The following PHRF1 variants were observed in gnomAD, a reference collection of about 807,000 sequenced individuals.
The protein encoded by PHRF1 is PHD and RING finger domain-containing protein 1.
A neutral mutation model predicts 128.9 loss-of-function variants in PHRF1; 53 were observed. The observed-to-expected ratio is 0.41, with a 90% CI of 0.33 to 0.52. PHRF1 has a LOEUF of 0.52. Among genes scored for constraint, PHRF1 ranks in the 20% least tolerant of loss-of-function variants. The pLI, the probability that PHRF1 is intolerant of heterozygous loss-of-function variation, is 0.21. For synonymous variants in PHRF1, 1,178 were observed against 980.6 expected (o/e 1.20, Z -3.76); for missense variants, 2,503 against 2,284.5 (o/e 1.10, Z -1.95).
chr11:606,581 A>G lies in PHRF1; in HGVS notation c.1594A>G (p.Ser532Gly). 6.2e-7 allele frequency: 1 copy of G among 1,605,608 alleles called. No individual in the cohort carries two copies. The highest frequency in any genetic ancestry group is 8.5e-7 in the Non-Finnish European group (1 of 1,176,528). The change falls in exon 13 of 18, where the codon AGC (serine) becomes GGC (glycine). Residue 532 changes from serine to glycine, a missense_variant. By Grantham distance (56) the Ser-to-Gly change is moderately conservative. Transcript: ENST00000264555. ...CATCATCCACCGCGACGGCTCCCTC[A>G]GCGCCAAGAGGGCGGGTGAGTGCCT... The part of the protein sequence containing the change: ...DVIIHRDGSL[S>G]AKRAAPVSFQ...
chr11:586,595 A>G (rs1007981595), intron 3 of PHRF1, among the ~76,000 whole-genome samples: 1 of 152,072 alleles, frequency 6.6e-6, no homozygotes, highest in Non-Finnish European at 1.5e-5. Context: ...GCGTTGTTTC[A>G]TTGGAGTTTG....
chr11:576,846 AGGCCCCGCCG>A (rs1853876368), intron 1 of PHRF1, among the ~76,000 whole-genome samples: 1 of 73,870 alleles, frequency 1.4e-5, no homozygotes, highest in South Asian at 4.1e-4. Flanking sequence ...CGAGACTGGG[AGGCCCCGCCG>A]AGACTGGGAG....
At chr11:602,146 C>T (rs1306457499) in intron 10 of PHRF1, among the ~76,000 whole-genome samples, 1 of 152,186 alleles carries the variant, frequency 6.6e-6, no homozygotes, top group Non-Finnish European at 1.5e-5. Context: ...CCCATGTTCG[C>T]TGGGCCCTGG....
At chr11:584,688 G>C (rs192529084) in intron 3 of PHRF1, among the ~76,000 whole-genome samples, 19 of 150,866 alleles carry the variant, frequency 1.3e-4, no homozygotes, top group Non-Finnish European at 1.8e-4. Flanking sequence ...GAGAGGTGTT[G>C]GTATAGCCAC....
chr11:582,862 C>T (rs891774128), intron 3 of PHRF1, among the ~76,000 whole-genome samples: 1 of 151,384 alleles, frequency 6.6e-6, no homozygotes, highest in Admixed American at 6.6e-5. Flanking sequence ...GTGAAACCCC[C>T]TCTCTACTAC....
intron 3 of PHRF1, among the ~76,000 whole-genome samples, chr11:584,901 G>C (rs1185053529): frequency 6.6e-6 from 1 of 151,936 alleles, no homozygotes; most frequent in East Asian, 1.9e-4. Flanking sequence ...CCATGCCTGG[G>C]TAATTTTTGT....
intron 9 of PHRF1, among the ~76,000 whole-genome samples, chr11:599,729 G>A (rs1436885612): frequency 2.6e-5 from 4 of 152,092 alleles, no homozygotes; most frequent in Admixed American, 2.6e-4. Flanking sequence ...TGGTCCTGGG[G>A]CTCCAGGGGA....
Position 610,704 on chromosome 11 carries a change from C to T in PHRF1, c.4620C>T (p.Asn1540=). Residue 1540 remains asparagine (N), a synonymous_variant, in exon 16 of 18, where the codon AAC becomes AAT. Coordinates refer to ENST00000264555, the MANE Select transcript of PHRF1 (RefSeq NM_001286581.2). ...EPASQATAAS[N]SEEKTPAPRL... is the part of the protein sequence containing the mutation. Reference sequence around the variant, plus strand: ...CCAGTCAAGCCACTGCAGCCAGCAACTCGGAGGAGAAGACCCCGGCCCCCA... The same window carrying T: ...CCAGTCAAGCCACTGCAGCCAGCAATTCGGAGGAGAAGACCCCGGCCCCCA... 1 of 1,603,554 alleles carries T rather than the reference C, an allele frequency of 6.2e-7. No homozygotes were observed. The highest frequency in any genetic ancestry group is 8.5e-7 in the Non-Finnish European group (1 of 1,179,794).
intron 10 of PHRF1, among the ~76,000 whole-genome samples, chr11:603,523 C>T (rs954262584): frequency 7.2e-5 from 11 of 151,856 alleles, no homozygotes; most frequent in African/African-American, 1.5e-4. Flanking sequence ...TTGGTGGAGA[C>T]GGGGTCTCAC....
At chr11:583,976 C>T (rs1324831633) in intron 3 of PHRF1, among the ~76,000 whole-genome samples, 2 of 152,246 alleles carry the variant, frequency 1.3e-5, no homozygotes, top group African/African-American at 2.4e-5. Context: ...CAAGTGGCTA[C>T]TGTGATCTGT....
rs575581112 is a variant in PHRF1, at chr11:607,068, C to G, written c.1612C>G (p.Pro538Ala). 2.6e-6 allele frequency: 4 copies of G among 1,551,540 alleles called. No individual in the cohort carries two copies. Among genetic ancestry groups the G allele is most frequent in the South Asian group, 1.2e-5 (1 of 85,106 alleles). Residue 538 changes from proline to alanine, a missense_variant and splice_region_variant, in exon 14 of 18, where the codon CCA (proline) becomes GCA (alanine). Pro to Ala is a conservative substitution (Grantham distance 27). Coordinates refer to ENST00000264555, the MANE Select transcript of PHRF1 (RefSeq NM_001286581.2). Reference protein sequence around the residue: ...DGSLSAKRAAPVSFQRNSGSL... With the variant: ...DGSLSAKRAAAVSFQRNSGSL... ...CCATTGACTTTTTTGTTTTTTAGCT[C>G]CAGTTTCTTTTCAGCGAAACTCAGG...
intron 6 of PHRF1, among the ~76,000 whole-genome samples, chr11:592,903 A>G (rs1400980672): frequency 1.3e-5 from 2 of 152,254 alleles, no homozygotes; most frequent in Admixed American, 6.5e-5. Flanking sequence ...AGTGCAGGTA[A>G]TACATCAAGA....
chr11:587,750 G>GAAA (rs1854661480), intron 4 of PHRF1, among the ~76,000 whole-genome samples: 1 of 152,158 alleles, frequency 6.6e-6, no homozygotes, highest in African/African-American at 2.4e-5. Flanking sequence ...TGACATAGGG[G>GAAA]CCATCTTGGC....
Position 610,322 on chromosome 11 carries a change from G to T in PHRF1, c.4391G>T (p.Gly1464Val), listed in dbSNP as rs767207263. Residue 1464 changes from glycine (G) to valine (V), a missense_variant, in exon 15 of 18, where the codon GGG (glycine) becomes GTG (valine). Gly to Val is a moderately radical substitution (Grantham distance 109). Coordinates refer to ENST00000264555, the MANE Select transcript of PHRF1 (RefSeq NM_001286581.2). ...PFPSHVLPEP[G>V]FPDTDPSQVY... ...CCCAGTCACGTGCTTCCGGAACCCG[G>T]GTTCCCAGACACAGACCCCTCTCAG... 3 of 1,566,526 alleles carry T rather than the reference G, an allele frequency of 1.9e-6. No individual in the cohort carries two copies. The South Asian group carries it at 3.5e-5, about 18-fold the overall frequency.
chr11:602,816 G>T (rs1855716185), intron 10 of PHRF1, among the ~76,000 whole-genome samples: 1 of 149,694 alleles, frequency 6.7e-6, no homozygotes. Flanking sequence ...ACGCTGGAGT[G>T]TAGTGGTGCG....
intron 3 of PHRF1, among the ~76,000 whole-genome samples, chr11:583,533 C>T (rs1458936355): frequency 6.6e-6 from 1 of 152,142 alleles, no homozygotes; most frequent in East Asian, 1.9e-4. Context: ...ATAAAAAATT[C>T]TCAGCTCACT....
In PHRF1 at chr11:608,312, C is replaced by T. The variant is rs1212304708; in HGVS notation, c.2856C>T (p.Phe952=). The part of the protein sequence containing the change: ...DEEDGASCST[F]FGSEERTVTC... The stretch of plus-strand genomic sequence containing the variant: ...AGGATGGGGCGTCTTGCAGCACCTT[C>T]TTTGGCTCTGAGGAGCGGACGGTGA... The change falls in exon 14 of 18, where the codon TTC becomes TTT. Residue 952 remains phenylalanine (F), a synonymous_variant. Transcript: ENST00000264555. 2 of 1,609,706 alleles carry T rather than the reference C, an allele frequency of 1.2e-6. No homozygotes were observed. The highest frequency in any genetic ancestry group is 1.7e-6 in the Non-Finnish European group (2 of 1,179,038).
intron 9 of PHRF1, among the ~76,000 whole-genome samples, chr11:600,704 C>T (rs1452285121): frequency 3.3e-5 from 5 of 151,904 alleles, no homozygotes; most frequent in Admixed American, 2.6e-4. Context: ...TGGTGGCTTA[C>T]ACCTGTAATC....
chr11:608,454 C>T lies in PHRF1; in HGVS notation c.2998C>T (p.Arg1000Cys), dbSNP rs371594987. 58 of 1,612,348 alleles carry T rather than the reference C, an allele frequency of 3.6e-5. No homozygotes were observed. The highest frequency in any genetic ancestry group is 1.7e-4 in the Middle Eastern group (1 of 6,046). ...PSRSRSTSSSRSRKKAKRKRV... is the reference protein window; with the variant it reads ...PSRSRSTSSSCSRKKAKRKRV... Reference sequence around the variant, plus strand: ...CCGGTCCCGCTCCACATCCAGCTCCCGCAGCAGGAAGAAGGCCAAGAGGAA... The same window carrying T: ...CCGGTCCCGCTCCACATCCAGCTCCTGCAGCAGGAAGAAGGCCAAGAGGAA... The change falls in exon 14 of 18, where the codon CGC becomes TGC. Residue 1000 changes from arginine (R) to cysteine (C), a missense_variant. By Grantham distance (180) the Arg-to-Cys change is radical. Coordinates refer to ENST00000264555, the MANE Select transcript of PHRF1 (RefSeq NM_001286581.2).
Sources: allele counts gnomAD v4.1 joint callset (sites outside exome capture counted in the v4.1 genomes callset), GRCh38; gene constraint gnomAD v4.1.1; transcripts MANE v1.5; gene names NCBI Gene and HGNC (gene_info 2026-07-23, HGNC 2026-07-21).